TUBG1: variants seen among roughly 807,000 people sequenced by gnomAD.
The protein encoded by TUBG1 is tubulin gamma-1 chain.
In TUBG1, 22 loss-of-function variants were observed where a neutral mutation model predicts 53.3. The ratio of observed to expected loss-of-function variants is 0.41; its 90% confidence interval spans 0.29 to 0.59. The LOEUF (loss-of-function observed/expected upper bound fraction) is 0.59, where lower values mean the gene tolerates loss of function less well. Ranked by LOEUF, TUBG1 falls within the 20% of genes least tolerant of loss-of-function variation. TUBG1 has a pLI of 0.26. For missense variants in TUBG1, 217 were observed against 598.9 expected (o/e 0.36, Z 6.66); for synonymous variants, 198 against 236.7 (o/e 0.84, Z 1.50).
In TUBG1 at chr17:42,612,066, T is replaced by C. The variant is rs774204312; in HGVS notation, c.331-9T>C. On this transcript the variant is annotated splice_polypyrimidine_tract_variant and intron_variant, in intron 3 of 10. Transcript: ENST00000251413. ...TGTCCCACTCTGACCCTCCCCTATGTCTGTACAGGGAGAAAAGATCCATGA... is the reference window on the plus strand; with the variant it reads ...TGTCCCACTCTGACCCTCCCCTATGCCTGTACAGGGAGAAAAGATCCATGA... The C allele has an allele frequency of 6.2e-7, 1 of 1,613,868 alleles. No homozygotes were observed. Among genetic ancestry groups the C allele is most frequent in the Non-Finnish European group, 8.5e-7 (1 of 1,179,842 alleles).
At chr17:42,610,758 G>T in intron 3 of TUBG1, 168 bp downstream of exon 3, 1 of 927,496 alleles carries the variant, frequency 1.1e-6, no homozygotes, top group Non-Finnish European at 1.6e-6. Flanking sequence ...ACTAGCTAAT[G>T]CAGTGTGCCA....
At position 42,610,501 on chromosome 17, in the gene TUBG1, C is replaced by T; in HGVS notation, c.241C>T (p.Pro81Ser). The T allele has an allele frequency of 6.2e-7, 1 of 1,613,976 alleles. No individual in the cohort carries two copies. The highest frequency in any genetic ancestry group is 8.5e-7 in the Non-Finnish European group (1 of 1,179,852). ...GGTGATCCACTCCATCCTCAACTCC[C>T]CCTATGCCAAGCTCTACAACCCAGA... ...PRVIHSILNSPYAKLYNPENI... is the reference protein window; with the variant it reads ...PRVIHSILNSSYAKLYNPENI... The change falls in exon 3 of 11, where the codon CCC becomes TCC. Residue 81 changes from proline (P) to serine (S), a missense_variant. This residue lies in a region of TUBG1 where 57 missense variants were observed against 169.3 expected (regional missense o/e 0.34). Coordinates refer to ENST00000251413, the MANE Select transcript of TUBG1 (RefSeq NM_001070.5).
rs2052063399 is a variant in TUBG1 at position 42,614,721 on chromosome 17, G to C, written c.1158+64G>C. ...TTTCCTGACTATACCTCACCTCTCTGCATCTGCTGGCCCTGCTTCTAGCTT... is the reference window on the plus strand; with the variant it reads ...TTTCCTGACTATACCTCACCTCTCTCCATCTGCTGGCCCTGCTTCTAGCTT... On this transcript the variant is annotated intron_variant, in intron 10 of 10. Coordinates refer to ENST00000251413, the MANE Select transcript of TUBG1 (RefSeq NM_001070.5). This position sits in a 1 kb window ranked among gnomAD's most constrained non-coding sequence, Gnocchi z 5.1. The C allele has an allele frequency of 6.2e-7, 1 of 1,606,266 alleles. No homozygotes were observed. The highest frequency in any genetic ancestry group is 2.2e-5 in the East Asian group (1 of 44,790).
In TUBG1 at chr17:42,612,096, A is replaced by G; in HGVS notation, c.352A>G (p.Ile118Val). 1 of 1,614,098 alleles carries G rather than the reference A, an allele frequency of 6.2e-7. No individual in the cohort carries two copies. The highest frequency in any genetic ancestry group is 8.5e-7 in the Non-Finnish European group (1 of 1,179,982). Reference sequence around the variant, plus strand: ...ACAGGGAGAAAAGATCCATGAGGACATTTTTGACATCATAGACCGGGAGGC... The same window carrying G: ...ACAGGGAGAAAAGATCCATGAGGACGTTTTTGACATCATAGACCGGGAGGC... ...FSQGEKIHED[I>V]FDIIDREADG... Residue 118 changes from isoleucine (I) to valine (V), a missense_variant, in exon 4 of 11, where the codon ATT (isoleucine) becomes GTT (valine). Coordinates refer to ENST00000251413, the MANE Select transcript of TUBG1 (RefSeq NM_001070.5).
intron 6 of TUBG1, 94 bp from the exon 7 acceptor site, chr17:42,613,553 A>G: frequency 6.3e-7 from 1 of 1,585,248 alleles, no homozygotes; most frequent in Non-Finnish European, 8.6e-7. Flanking sequence ...CTGGCCATGA[A>G]GCTCAAAGGA....
Position 42,609,733 on chromosome 17 carries a change from G to T in TUBG1, c.-5G>T, listed in dbSNP as rs1064797220. Reference sequence around the variant, plus strand: ...AGCGGCTGCAACGCCGGTGCCTGAGGAGCGATGCCGAGGGAAATCATCACC... The same window carrying T: ...AGCGGCTGCAACGCCGGTGCCTGAGTAGCGATGCCGAGGGAAATCATCACC... On this transcript the variant is annotated 5_prime_UTR_variant, in exon 1 of 11. Transcript: ENST00000251413. 6.5e-7 allele frequency: 1 copy of T among 1,550,166 alleles called. No homozygotes were observed.
intron 4 of TUBG1, 26 bp downstream of exon 4, chr17:42,612,169 G>C: frequency 2.5e-6 from 4 of 1,612,342 alleles, no homozygotes; most frequent in Non-Finnish European, 3.4e-6. Context: ...ATGCTGGTAG[G>C]AGCCGACATG....
chr17:42,610,053 G>A, intron 1 of TUBG1, 55 bp from the exon 2 acceptor site: 1 of 1,603,108 alleles, frequency 6.2e-7, no homozygotes, highest in Non-Finnish European at 8.5e-7. Flanking sequence ...CTCCTGATTG[G>A]AACCTGCCCG....
chr17:42,615,189 C>T lies in TUBG1; in HGVS notation c.*148C>T. On this transcript the variant is annotated 3_prime_UTR_variant, in exon 11 of 11. Transcript: ENST00000251413. ...TGTTGGCCTGCAAACACATTTACTT[C>T]TCCTCTTATGAGACTATTTATCTTT... is the stretch of plus-strand genomic sequence containing the variant. 1.5e-6 allele frequency: 1 copy of T among 687,876 alleles called. No homozygotes were observed. Among genetic ancestry groups the T allele is most frequent in the Non-Finnish European group, 2.4e-6 (1 of 408,622 alleles). 42.6% of individuals were successfully genotyped at this position (687,876 alleles called of 1,614,324 possible).
At chr17:42,613,369 A>G (rs1269069106) in intron 6 of TUBG1, among the ~76,000 whole-genome samples, 2 of 152,090 alleles carry the variant, frequency 1.3e-5, no homozygotes. Flanking sequence ...CAGTGAGCTG[A>G]GATCATGTCA....
chr17:42,610,073 A>G (rs773495160), intron 1 of TUBG1, 35 bp from the exon 2 acceptor site: 2 of 1,612,212 alleles, frequency 1.2e-6, no homozygotes, highest in Admixed American at 1.7e-5. Context: ...GGACCTAGAT[A>G]TCTTCTTTCT....
At position 42,613,932 on chromosome 17, in the gene TUBG1, G is replaced by T. The variant is rs1034291035; in HGVS notation, c.777G>T (p.Ser259=). The T allele has an allele frequency of 6.2e-7, 1 of 1,613,986 alleles. No individual in the cohort carries two copies. The change falls in exon 8 of 11, where the codon TCG becomes TCT. Residue 259 remains serine, a synonymous_variant. Transcript: ENST00000251413. The stretch of plus-strand genomic sequence containing the variant: ...ATGACCTCATCGGCCTCATCGCCTC[G>T]CTCATTCCCACCCCACGGCTCCACT... The part of the protein sequence containing the change: ...MNNDLIGLIA[S]LIPTPRLHFL...
In TUBG1 at chr17:42,615,207, T is replaced by A. The variant is rs563377047; in HGVS notation, c.*166T>A. 1.6e-6 allele frequency: 1 copy of A among 636,762 alleles called. No individual in the cohort carries two copies. Among genetic ancestry groups the A allele is most frequent in the African/African-American group, 1.8e-5 (1 of 54,416 alleles). 39.4% of individuals were successfully genotyped at this position (636,762 alleles called of 1,614,324 possible). ...TTTACTTCTCCTCTTATGAGACTAT[T>A]TATCTTTAATAAAGCACTGGATATA... On this transcript the variant is annotated 3_prime_UTR_variant, in exon 11 of 11. Transcript: ENST00000251413.
chr17:42,611,895 G>A (rs2052036737), intron 3 of TUBG1, among the ~76,000 whole-genome samples, 180 bp from the exon 4 acceptor site: 1 of 152,086 alleles, frequency 6.6e-6, no homozygotes, highest in African/African-American at 2.4e-5. Flanking sequence ...AGGTAGTCTG[G>A]GTGTAGAGTG....
chr17:42,613,620 A>G, intron 6 of TUBG1, 27 bp from the exon 7 acceptor site: 1 of 1,613,968 alleles, frequency 6.2e-7, no homozygotes, highest in Non-Finnish European at 8.5e-7. Context: ...ATCCCCATTG[A>G]TCTGTGATCC....
At chr17:42,610,394 T>C in intron 2 of TUBG1, 29 bp from the exon 3 acceptor site, 3 of 1,553,812 alleles carry the variant, frequency 1.9e-6, no homozygotes, top group Non-Finnish European at 2.6e-6. Flanking sequence ...CCTAGCTGAT[T>C]GGGCCCCCTC....
In TUBG1 at chr17:42,613,359, C is replaced by T. The variant is rs1305409158; in HGVS notation, c.606+286C>T. On this transcript the variant is annotated intron_variant, in intron 6 of 10. Transcript: ENST00000251413. ...ACTTGTGCCTCAGAGGCAGGGGCTG[C>T]AGTGAGCTGAGATCATGTCACTGAC... is the stretch of plus-strand genomic sequence containing the variant. Among the ~76,000 whole-genome samples, 3 of 151,662 alleles carry T rather than the reference C, an allele frequency of 2.0e-5. No homozygotes were observed. The South Asian group carries it at 6.2e-4, about 32-fold the overall frequency.
intron 1 of TUBG1, 149 bp downstream of exon 1, chr17:42,609,935 C>A: frequency 7.5e-7 from 1 of 1,325,960 alleles, no homozygotes; most frequent in South Asian, 1.5e-5. Context: ...TGCCCAACCC[C>A]GAGGGGCCCT....
In TUBG1 at chr17:42,614,025, C is replaced by T. The variant is rs371259967; in HGVS notation, c.843+27C>T. On this transcript the variant is annotated intron_variant, in intron 8 of 10. Coordinates refer to ENST00000251413, the MANE Select transcript of TUBG1 (RefSeq NM_001070.5). The surrounding 1 kb of genome is among the most constrained non-coding windows in gnomAD (Gnocchi z 5.1). The stretch of plus-strand genomic sequence containing the variant: ...TAAGAGCAGCCTTCAGTGTCCCAGG[C>T]CAGGCCGGCCCTGGGCCCAACAGGC... 3.7e-6 allele frequency: 6 copies of T among 1,613,944 alleles called. No homozygotes were observed. The highest frequency in any genetic ancestry group is 4.5e-5 in the East Asian group (2 of 44,888).
Sources: gnomAD v4.1 joint callset for allele counts (sites outside exome capture counted in the v4.1 genomes callset) on GRCh38, gnomAD v4.1.1 for gene constraint, gnomAD v4.1.1 regional missense constraint, Gnocchi (gnomAD v3.1) non-coding constraint, MANE v1.5 for transcripts, NCBI Gene and HGNC (gene_info 2026-07-23, HGNC 2026-07-21) for gene names.